The following CALN1 variants were observed in gnomAD, a reference collection of about 807,000 sequenced individuals.
CALN1 encodes calneuron 1.
Under a neutral mutation model 30.6 loss-of-function variants are expected in CALN1, and 17 were observed. That is an observed-to-expected ratio of 0.56 (90% CI 0.38 to 0.83). CALN1 has a LOEUF of 0.83. Ranked by LOEUF, CALN1 falls within the 40% of genes least tolerant of loss-of-function variation. The pLI, the probability that CALN1 is intolerant of heterozygous loss-of-function variation, is 0.00. For synonymous variants in CALN1, 156 were observed against 131.4 expected (o/e 1.19, Z -1.28); for missense variants, 291 against 354.9 (o/e 0.82, Z 1.45).
At chr7:71,838,093 C>T (rs1789726260) in intron 5 of CALN1, among the ~76,000 whole-genome samples, 1 of 151,976 alleles carries the variant, frequency 6.6e-6, no homozygotes, top group Non-Finnish European at 1.5e-5. Context: ...CATAAAATTG[C>T]CGTGTATTTT....
At chr7:72,354,119 G>A (rs922445507) in intron 2 of CALN1, among the ~76,000 whole-genome samples, 1 of 152,124 alleles carries the variant, frequency 6.6e-6, no homozygotes, top group African/African-American at 2.4e-5. Context: ...CCCAAGAGGG[G>A]GAGGTTGCAG....
chr7:72,102,520 T>C (rs1189423186), intron 4 of CALN1, among the ~76,000 whole-genome samples: 2 of 151,914 alleles, frequency 1.3e-5, no homozygotes, highest in African/African-American at 2.4e-5. Flanking sequence ...AAATAGAAAA[T>C]AGACATAAAA....
At chr7:72,053,107 G>T (rs1359021483) in intron 4 of CALN1, among the ~76,000 whole-genome samples, 1 of 152,228 alleles carries the variant, frequency 6.6e-6, no homozygotes, top group Admixed American at 6.5e-5. Flanking sequence ...ACGGGAGCCT[G>T]TAATCCCAGC....
intron 5 of CALN1, among the ~76,000 whole-genome samples, chr7:71,983,371 C>T (rs1798498996): frequency 6.6e-6 from 1 of 152,074 alleles, no homozygotes; most frequent in Non-Finnish European, 1.5e-5. Context: ...AAGAATGCAA[C>T]CTAACCAATG....
intron 3 of CALN1, among the ~76,000 whole-genome samples, chr7:72,183,682 A>G (rs1320394896): frequency 1.3e-5 from 2 of 152,236 alleles, no homozygotes; most frequent in Non-Finnish European, 2.9e-5. Flanking sequence ...GGCAAGTTGC[A>G]AAAGACATCT....
chr7:72,106,282 G>C lies in CALN1; in HGVS notation c.257C>G (p.Ala86Gly), dbSNP rs1807103854. 2 of 1,613,920 alleles carry C rather than the reference G, an allele frequency of 1.2e-6. No homozygotes were observed. The highest frequency in any genetic ancestry group is 1.3e-5 in the African/African-American group (1 of 74,924). ...SVEELDEIRE[A>G]FRVLDRDGNG... Reference sequence around the variant, plus strand: ...CCCATCCCGGTCCAGAACCCGAAAGGCCTCTCGGATTTCTACAATGGAAAA... The same window carrying C: ...CCCATCCCGGTCCAGAACCCGAAAGCCCTCTCGGATTTCTACAATGGAAAA... Residue 86 changes from alanine to glycine, a missense_variant, in exon 4 of 7, where the codon GCC (alanine) becomes GGC (glycine). This residue lies in a region of CALN1 where 169 missense variants were observed against 251.7 expected (regional missense o/e 0.67). Coordinates refer to ENST00000395275, the MANE Select transcript of CALN1 (RefSeq NM_031468.4).
At chr7:72,140,339 G>A (rs1458096711) in intron 3 of CALN1, among the ~76,000 whole-genome samples, 1 of 75,056 alleles carries the variant, frequency 1.3e-5, no homozygotes, top group Non-Finnish European at 2.4e-5. Flanking sequence ...GAGAAGGAAG[G>A]AAGGGAGGGA....
chr7:71,998,092 TGGGATTA>T (rs1386830354), intron 5 of CALN1, among the ~76,000 whole-genome samples: 2 of 152,114 alleles, frequency 1.3e-5, no homozygotes, highest in Non-Finnish European at 2.9e-5. Flanking sequence ...CCCAAAGTGC[TGGGATTA>T]TAGTCGTCAG....
At chr7:72,432,146 T>C (rs1350458859) in intron 1 of CALN1, among the ~76,000 whole-genome samples, 2 of 151,908 alleles carry the variant, frequency 1.3e-5, no homozygotes. Context: ...ATCATGGGAG[T>C]GGGTTTTCCT....
At chr7:72,229,188 T>G (rs1793906917) in intron 3 of CALN1, among the ~76,000 whole-genome samples, 1 of 152,034 alleles carries the variant, frequency 6.6e-6, no homozygotes, top group Admixed American at 6.5e-5. Flanking sequence ...GATGACCATG[T>G]CCTGGTCCCC....
intron 4 of CALN1, among the ~76,000 whole-genome samples, chr7:72,027,728 C>CAA (rs1346426069): frequency 2.6e-4 from 13 of 49,952 alleles, no homozygotes; most frequent in East Asian, 6.8e-4. Flanking sequence ...AACAAACAAA[C>CAA]ACACACACAC....
intron 3 of CALN1, among the ~76,000 whole-genome samples, chr7:72,227,120 G>A (rs1429326480): frequency 6.6e-6 from 1 of 152,038 alleles, no homozygotes; most frequent in Non-Finnish European, 1.5e-5. Flanking sequence ...ACTACTTATT[G>A]GGTACTGTGC....
In CALN1 at chr7:71,987,879, A is replaced by AAG. The variant is rs556735947; in HGVS notation, c.501+35776_501+35777dup. 5.3e-4 allele frequency among the ~76,000 whole-genome samples: 80 copies of AAG among 152,076 alleles called. 2 individuals carry two copies. The Middle Eastern group carries it at 0.01, about 19-fold the overall frequency. On this transcript the variant is annotated intron_variant, in intron 5 of 6. Transcript: ENST00000395275. ...TGGGCATATATAGCTGGGAGTGGAG[A>AAG]AGGTGACTGCACAGTGCAGGACAGA... is the stretch of plus-strand genomic sequence containing the variant.
the CALN1 span, among the ~76,000 whole-genome samples, chr7:72,461,025 C>G: frequency 6.6e-6 from 1 of 152,168 alleles, no homozygotes; most frequent in South Asian, 2.1e-4. Context: ...AGCTTCCCCT[C>G]TCCTTCCTCC....
chr7:72,256,239 G>A (rs770886272), intron 3 of CALN1, among the ~76,000 whole-genome samples: 55 of 152,204 alleles, frequency 3.6e-4, no homozygotes, highest in Non-Finnish European at 5.6e-4. Context: ...TGGGAGGGTC[G>A]CTGGAGGTCA....
chr7:72,306,529 C>T (rs755621605), intron 2 of CALN1, among the ~76,000 whole-genome samples: 1 of 151,602 alleles, frequency 6.6e-6, no homozygotes, highest in Non-Finnish European at 1.5e-5. Context: ...TACTTGGTTT[C>T]TCCAGTCGCC....
rs942374971 is a variant in CALN1 at position 71,779,655 on chromosome 7, T to G, written c.*8120A>C. ...AAGATAACATATTAATAATATATAC[T>G]TCATTTGATCGGTAAGTTGCATGCT... On this transcript the variant is annotated 3_prime_UTR_variant, in exon 7 of 7. Transcript: ENST00000395275. The G allele has an allele frequency of 3.3e-5, 5 of 152,326 alleles. No individual in the cohort carries two copies. Among genetic ancestry groups the G allele is most frequent in the Non-Finnish European group, 2.9e-5 (2 of 68,040 alleles). The allele number at this position is 152,326 out of a possible 1,614,324, so 9.4% of individuals were successfully genotyped here.
chr7:71,850,713 G>A (rs1790589118), intron 5 of CALN1, among the ~76,000 whole-genome samples: 2 of 152,178 alleles, frequency 1.3e-5, no homozygotes, highest in Non-Finnish European at 2.9e-5. Flanking sequence ...GCAGGTAGTG[G>A]TAATGAGGTG....
At chr7:71,978,225 A>G (rs1271191094) in intron 5 of CALN1, among the ~76,000 whole-genome samples, 1 of 141,126 alleles carries the variant, frequency 7.1e-6, no homozygotes, top group Non-Finnish European at 1.5e-5. Context: ...CTGAATCTTG[A>G]GTCAGTATTG....
Sources: allele counts gnomAD v4.1 joint callset (sites outside exome capture counted in the v4.1 genomes callset), GRCh38; gene constraint gnomAD v4.1.1; regional missense constraint gnomAD v4.1.1; transcripts MANE v1.5; gene names NCBI Gene and HGNC (gene_info 2026-07-23, HGNC 2026-07-21).